The following SPATS2 variants were observed in gnomAD, a reference collection of about 807,000 sequenced individuals.
The protein encoded by SPATS2 is spermatogenesis associated serine rich 2, also known as spermatogenesis-associated serine-rich protein 2.
In SPATS2, 38 loss-of-function variants were observed where a neutral mutation model predicts 63.7. The ratio of observed to expected loss-of-function variants is 0.60; its 90% CI spans 0.46 to 0.78. The LOEUF (loss-of-function observed/expected upper bound fraction) is 0.78. Among genes scored for constraint, SPATS2 ranks in the 30% least tolerant of loss-of-function variants. The pLI is 0.00. For missense variants in SPATS2, 588 were observed against 666.2 expected, an observed-to-expected ratio of 0.88 and a Z score of 1.29; for synonymous variants, 207 against 232.9, an observed-to-expected ratio of 0.89 and a Z score of 1.01.
At chr12:49,414,083 T>C (rs1944844784) in intron 2 of SPATS2, among the ~76,000 whole-genome samples, 1 of 152,204 alleles carries the variant, frequency 6.6e-6, no homozygotes, top group Admixed American at 6.5e-5. Flanking sequence ...GCTTCTTTCC[T>C]GCCTATAGAA....
intron 2 of SPATS2, among the ~76,000 whole-genome samples, chr12:49,380,574 C>T (rs369877068): frequency 7.9e-5 from 12 of 151,976 alleles, no homozygotes; most frequent in Admixed American, 1.3e-4. Flanking sequence ...GGTGTGGTGG[C>T]GTGCGCCTGT....
At chr12:49,500,956 G>A (rs1025312580) in intron 9 of SPATS2, among the ~76,000 whole-genome samples, 1 of 151,284 alleles carries the variant, frequency 6.6e-6, no homozygotes, top group African/African-American at 2.4e-5. Flanking sequence ...TATTATTATT[G>A]TTGTTTTTTG....
At chr12:49,375,836 T>A (rs1944090728) in intron 2 of SPATS2, among the ~76,000 whole-genome samples, 1 of 151,982 alleles carries the variant, frequency 6.6e-6, no homozygotes, top group Non-Finnish European at 1.5e-5. Context: ...TGAGACAGGG[T>A]CTTGCTCTGT....
chr12:49,398,967 T>C (rs1448956995), intron 2 of SPATS2, among the ~76,000 whole-genome samples: 1 of 152,228 alleles, frequency 6.6e-6, no homozygotes, highest in African/African-American at 2.4e-5. Context: ...TAGGCTGTTT[T>C]AGCATGCTTT....
At chr12:49,514,296 T>C (rs1419469981) in intron 9 of SPATS2, 5 of 371,326 alleles carry the variant, frequency 1.3e-5, no homozygotes, top group Non-Finnish European at 2.4e-5. Context: ...CTTAGACGTC[T>C]ACAATTGGTG....
chr12:49,367,921 A>T (rs897250927), intron 1 of SPATS2, among the ~76,000 whole-genome samples: 7 of 152,164 alleles, frequency 4.6e-5, no homozygotes, highest in Non-Finnish European at 4.4e-5. Flanking sequence ...GAATAGGATC[A>T]TTTGGGATGA....
At chr12:49,437,229 CGGGGCGGCAGGGCAGAGG>C (rs1945326363) in intron 2 of SPATS2, among the ~76,000 whole-genome samples, 1 of 150,802 alleles carries the variant, frequency 6.6e-6, no homozygotes, top group Non-Finnish European at 1.5e-5. Flanking sequence ...ACATCCCAGA[CGGGGCGGCAGGGCAGAGG>C]CGCTCCCCAC....
chr12:49,389,597 A>T (rs142369886), intron 2 of SPATS2: 11 of 1,084,216 alleles, frequency 1.0e-5, no homozygotes, highest in Non-Finnish European at 1.6e-5. Context: ...TGCAGCAGAA[A>T]CTCTGATTGA....
chr12:49,494,125 G>C (rs1355806674), intron 6 of SPATS2, among the ~76,000 whole-genome samples: 5 of 152,142 alleles, frequency 3.3e-5, no homozygotes, highest in African/African-American at 1.2e-4. Flanking sequence ...TAGTCAAAGA[G>C]TATGTGCATT....
At chr12:49,506,854 T>G (rs534729029) in intron 9 of SPATS2, among the ~76,000 whole-genome samples, 2 of 151,172 alleles carry the variant, frequency 1.3e-5, no homozygotes, top group African/African-American at 4.9e-5. Flanking sequence ...AAAAAAAAAA[T>G]TTCGATTTAC....
At chr12:49,515,912 C>T (rs976229488) in intron 10 of SPATS2, among the ~76,000 whole-genome samples, 2 of 151,404 alleles carry the variant, frequency 1.3e-5, no homozygotes, top group Admixed American at 6.6e-5. Flanking sequence ...GAGGCTGAGG[C>T]GGGCAGATCA....
At position 49,526,888 on chromosome 12, in the gene SPATS2, A is replaced by C. The variant is rs1384912465; in HGVS notation, c.*633A>C. On this transcript the variant is annotated 3_prime_UTR_variant, in exon 14 of 14. Coordinates refer to ENST00000552918, the MANE Select transcript of SPATS2 (RefSeq NM_023071.4). The stretch of plus-strand genomic sequence containing the variant: ...CTTGTTTCCTATTACCTTAGATTGC[A>C]AACCAGTCTAGGGAAGTCTATGAGA... 1 of 151,720 alleles carries C rather than the reference A, an allele frequency of 6.6e-6. No individual in the cohort carries two copies. Among genetic ancestry groups the C allele is most frequent in the Non-Finnish European group, 1.5e-5 (1 of 68,010 alleles). The allele number at this position is 151,720 out of a possible 1,614,324, so 9.4% of individuals were successfully genotyped here. A position where few individuals can be genotyped will look rare whatever the true frequency, so the allele number is the denominator to read the frequency against.
Position 49,526,382 on chromosome 12 carries a change from A to G in SPATS2, c.*127A>G. The G allele has an allele frequency of 8.2e-7, 1 of 1,216,266 alleles. No homozygotes were observed. The allele number at this position is 1,216,266 out of a possible 1,614,324, so 75.3% of individuals were successfully genotyped here. On this transcript the variant is annotated 3_prime_UTR_variant, in exon 14 of 14. Transcript: ENST00000552918. ...GCGTATCACTTTTTGTGCCATTCTA[A>G]GTATTTTTGGTTTCTTGTCTCCTTA...
intron 2 of SPATS2, among the ~76,000 whole-genome samples, chr12:49,452,967 C>G (rs1391166814): frequency 1.3e-5 from 2 of 151,836 alleles, no homozygotes; most frequent in Non-Finnish European, 2.9e-5. Flanking sequence ...ACCATCCTGG[C>G]TAACACGGTG....
At chr12:49,368,092 G>A (rs1487240008) in intron 1 of SPATS2, among the ~76,000 whole-genome samples, 1 of 152,200 alleles carries the variant, frequency 6.6e-6, no homozygotes, top group East Asian at 1.9e-4. Context: ...CAGGCGAACA[G>A]ACGCAGAGAC....
At chr12:49,385,292 A>C (rs549258223) in intron 2 of SPATS2, among the ~76,000 whole-genome samples, 5 of 151,224 alleles carry the variant, frequency 3.3e-5, no homozygotes, top group African/African-American at 4.8e-5. Flanking sequence ...AAAAAAAAAA[A>C]CAAAAACCAT....
intron 2 of SPATS2, among the ~76,000 whole-genome samples, chr12:49,389,235 C>G (rs768875827): frequency 1.3e-5 from 2 of 152,176 alleles, no homozygotes; most frequent in Non-Finnish European, 2.9e-5. Context: ...CCCACCGTAA[C>G]GCGAGGAAGG....
rs66900382 is a variant in SPATS2 at position 49,498,145 on chromosome 12, A to AAAATATATATATATAT, written c.703+1137_703+1138insAATATATATATATATA. Among the ~76,000 whole-genome samples the AAAATATATATATATAT allele has an allele frequency of 2.6e-3, 261 of 98,898 alleles. 3 individuals are homozygous for AAAATATATATATATAT. Among genetic ancestry groups the AAAATATATATATATAT allele is most frequent in the African/African-American group, 0.012 (236 of 20,302 alleles). The allele number at this position is 98,898 out of a possible 152,430, so 64.9% of individuals were successfully genotyped here. A position where few individuals can be genotyped will look rare whatever the true frequency, so the allele number is the denominator to read the frequency against. On this transcript the variant is annotated intron_variant, in intron 8 of 13. Coordinates refer to ENST00000552918, the MANE Select transcript of SPATS2 (RefSeq NM_023071.4). ...ATCCAATCAAGCCAAAAAAAAAAAA[A>AAAATATATATATATAT]ATATATATATATATATATATATATG...
At chr12:49,373,570 T>C (rs1308178220) in intron 2 of SPATS2, among the ~76,000 whole-genome samples, 1 of 151,914 alleles carries the variant, frequency 6.6e-6, no homozygotes. Context: ...GGTGGGAGGA[T>C]TGCTTCAGAC....
Sources: gnomAD v4.1 joint callset for allele counts (sites outside exome capture counted in the v4.1 genomes callset) on GRCh38, gnomAD v4.1.1 for gene constraint, MANE v1.5 for transcripts, NCBI Gene and HGNC (gene_info 2026-07-23, HGNC 2026-07-21) for gene names.